Variants in DSCAM observed in about 807,000 individuals in gnomAD.
The protein encoded by DSCAM is DS cell adhesion molecule.
A neutral mutation model predicts 217.7 loss-of-function variants in DSCAM; 47 were observed. The ratio of observed to expected loss-of-function variants is 0.22; its 90% CI spans 0.17 to 0.28. DSCAM has a LOEUF of 0.28. Among genes scored for constraint, DSCAM ranks in the 10% least tolerant of loss-of-function variants. The pLI is 1.00. For missense variants in DSCAM, 2,080 were observed against 2,618.3 expected (o/e 0.79, Z 4.49); for synonymous variants, 1,056 against 1,015.3 (o/e 1.04, Z -0.76).
intron 3 of DSCAM, among the ~76,000 whole-genome samples, chr21:40,672,827 C>G (rs1255686949): frequency 6.6e-6 from 1 of 152,080 alleles, no homozygotes; most frequent in African/African-American, 2.4e-5. Context: ...GCCAACATAC[C>G]AAAGCTTCCC....
At chr21:40,562,803 T>C (rs949934136) in intron 3 of DSCAM, among the ~76,000 whole-genome samples, 1 of 152,094 alleles carries the variant, frequency 6.6e-6, no homozygotes, top group African/African-American at 2.4e-5. Context: ...AAAGAGGAAA[T>C]GATCCCTGGC....
intron 3 of DSCAM, among the ~76,000 whole-genome samples, chr21:40,590,106 C>A (rs923910070): frequency 3.9e-5 from 6 of 152,178 alleles, no homozygotes; most frequent in Admixed American, 1.3e-4. Flanking sequence ...GAATATGAAT[C>A]TCCAATGTAA....
intron 27 of DSCAM, among the ~76,000 whole-genome samples, chr21:40,073,972 G>T (rs980920501): frequency 6.6e-6 from 1 of 152,182 alleles, no homozygotes; most frequent in South Asian, 2.1e-4. Flanking sequence ...ATTGTAATTT[G>T]TTGGCAGAGC....
intron 14 of DSCAM, among the ~76,000 whole-genome samples, chr21:40,183,357 G>C (rs1232883948): frequency 6.6e-6 from 1 of 152,214 alleles, no homozygotes; most frequent in Non-Finnish European, 1.5e-5. Context: ...GGCAACCTGT[G>C]TAATTGCCAC....
At chr21:40,029,136 G>T (rs1340437529) in intron 32 of DSCAM, among the ~76,000 whole-genome samples, 4 of 17,658 alleles carry the variant, frequency 2.3e-4, no homozygotes, top group Non-Finnish European at 5.3e-4. Context: ...TTTTCCTCTG[G>T]GTCAAGGTGG....
intron 20 of DSCAM, among the ~76,000 whole-genome samples, chr21:40,117,990 T>C (rs1319823951): frequency 6.6e-6 from 1 of 151,786 alleles, no homozygotes; most frequent in Non-Finnish European, 1.5e-5. Context: ...CGTGCACAAA[T>C]GCAGACACAT....
intron 2 of DSCAM, among the ~76,000 whole-genome samples, chr21:40,700,946 G>C (rs922762109): frequency 6.6e-6 from 1 of 151,856 alleles, no homozygotes; most frequent in Non-Finnish European, 1.5e-5. Flanking sequence ...CATGTTGGCC[G>C]GGCTGGTCTT....
intron 3 of DSCAM, among the ~76,000 whole-genome samples, chr21:40,648,448 G>C (rs1486182242): frequency 6.6e-6 from 1 of 152,134 alleles, no homozygotes; most frequent in East Asian, 1.9e-4. Context: ...CAAATCCCTA[G>C]GCAGACAGTG....
At chr21:40,634,635 A>G (rs888903790) in intron 3 of DSCAM, among the ~76,000 whole-genome samples, 12 of 152,262 alleles carry the variant, frequency 7.9e-5, no homozygotes, top group African/African-American at 2.9e-4. Flanking sequence ...TCAGTAAAAC[A>G]AAATATGTAC....
chr21:40,332,241 T>G (rs1239560999), intron 8 of DSCAM, among the ~76,000 whole-genome samples: 1 of 152,200 alleles, frequency 6.6e-6, no homozygotes, highest in Non-Finnish European at 1.5e-5. Context: ...TTCTTTGTAT[T>G]CATTTCTCCC....
At chr21:40,114,143 C>T (rs1451686462) in intron 20 of DSCAM, among the ~76,000 whole-genome samples, 20 of 148,518 alleles carry the variant, frequency 1.3e-4, no homozygotes, top group Admixed American at 2.7e-4. Flanking sequence ...GGAGGCATCA[C>T]GCTACCTGAC....
At chr21:40,322,817 G>A (rs192922458) in intron 8 of DSCAM, among the ~76,000 whole-genome samples, 2 of 152,064 alleles carry the variant, frequency 1.3e-5, no homozygotes, top group East Asian at 1.9e-4. Flanking sequence ...GAGCCACCAC[G>A]CCCGGCCAGT....
chr21:40,737,036 A>G (rs939436939), intron 1 of DSCAM, among the ~76,000 whole-genome samples: 6 of 152,236 alleles, frequency 3.9e-5, no homozygotes, highest in African/African-American at 1.4e-4. Flanking sequence ...AGTGATTTCA[A>G]TCAGAAAGCA....
intron 3 of DSCAM, among the ~76,000 whole-genome samples, chr21:40,670,796 T>C (rs1306212474): frequency 6.6e-6 from 1 of 152,210 alleles, no homozygotes. Context: ...GCTATGAACA[T>C]GGGTGTACAA....
In DSCAM at chr21:40,108,474, T is replaced by G. The variant is rs568224272; in HGVS notation, c.3697-14600A>C. Among the ~76,000 whole-genome samples, 219 of 152,278 alleles carry G rather than the reference T, an allele frequency of 1.4e-3. 1 individual carries two copies. Among genetic ancestry groups the G allele is most frequent in the African/African-American group, 5.1e-3 (210 of 41,552 alleles). On this transcript the variant is annotated intron_variant, in intron 20 of 32. Transcript: ENST00000400454. ...GGTGAGAGATCCCTACAAGGAGAAC[T>G]ACAAACTACTGCTCAAAGAAATCAG...
intron 11 of DSCAM, among the ~76,000 whole-genome samples, chr21:40,265,550 A>T (rs1476411298): frequency 6.6e-6 from 1 of 152,192 alleles, no homozygotes. Context: ...AATCCGAAGC[A>T]AAAAGATTTA....
At chr21:40,261,143 C>T (rs368721412) in intron 11 of DSCAM, among the ~76,000 whole-genome samples, 1 of 152,344 alleles carries the variant, frequency 6.6e-6, no homozygotes, top group South Asian at 2.1e-4. Flanking sequence ...TTACCCATAA[C>T]AGCATTAGCC....
intron 1 of DSCAM, among the ~76,000 whole-genome samples, chr21:40,768,257 C>G (rs1204309718): frequency 6.6e-6 from 1 of 152,178 alleles, no homozygotes; most frequent in Non-Finnish European, 1.5e-5. Flanking sequence ...AGATGGCACC[C>G]CAGTGGCTCT....
intron 4 of DSCAM, among the ~76,000 whole-genome samples, chr21:40,354,508 C>T (rs1357107057): frequency 1.3e-5 from 2 of 152,082 alleles, no homozygotes; most frequent in African/African-American, 4.8e-5. Flanking sequence ...GCTGGGATTA[C>T]AGGCATGCAC....
Sources: gnomAD v4.1 joint callset for allele counts (sites outside exome capture counted in the v4.1 genomes callset) on GRCh38, gnomAD v4.1.1 for gene constraint, MANE v1.5 for transcripts, NCBI Gene and HGNC (gene_info 2026-07-23, HGNC 2026-07-21) for gene names.